COL27A1: variants seen among roughly 807,000 people sequenced by gnomAD.
COL27A1 encodes the protein collagen alpha-1(XXVII) chain.
COL27A1 carries 106 observed loss-of-function variants against 251.3 expected under a neutral mutation model. That is an observed-to-expected ratio of 0.42 (90% CI 0.36 to 0.50). COL27A1 has a LOEUF of 0.50. Among genes scored for constraint, COL27A1 ranks in the 20% least tolerant of loss-of-function variants. The pLI is 0.00. For missense variants in COL27A1, 2,325 were observed against 2,522.8 expected (o/e 0.92, Z 1.68); for synonymous variants, 1,000 against 986.3 (o/e 1.01, Z -0.26).
rs1830404651 is a variant in COL27A1, at chr9:114,212,060, C to G, written c.2367+1034C>G. Among the ~76,000 whole-genome samples, 3 of 152,222 alleles carry G rather than the reference C, an allele frequency of 2.0e-5. No homozygotes were observed. The South Asian group carries it at 6.2e-4, about 32-fold the overall frequency. Reference sequence around the variant, plus strand: ...CATGTTAGCTGTTGGAGCGTTTAACCTGGGCCCTCTGGGGGCCAAAGAGGA... The same window carrying G: ...CATGTTAGCTGTTGGAGCGTTTAACGTGGGCCCTCTGGGGGCCAAAGAGGA... On this transcript the variant is annotated intron_variant, in intron 12 of 60. Coordinates refer to ENST00000356083, the MANE Select transcript of COL27A1 (RefSeq NM_032888.4).
intron 34 of COL27A1, among the ~76,000 whole-genome samples, chr9:114,268,237 C>G (rs1834881031): frequency 6.6e-6 from 1 of 151,944 alleles, no homozygotes; most frequent in Admixed American, 6.6e-5. Context: ...CTGCCCTCCT[C>G]CTGTGCCCCT....
chr9:114,289,169 C>T, intron 44 of COL27A1, 73 bp from the exon 45 acceptor site: 2 of 1,441,828 alleles, frequency 1.4e-6, no homozygotes, highest in Non-Finnish European at 1.9e-6. Flanking sequence ...CCTCCCCCTC[C>T]AGGCGGAGAC....
At chr9:114,257,031 C>T (rs914745276) in intron 27 of COL27A1, among the ~76,000 whole-genome samples, 3 of 152,172 alleles carry the variant, frequency 2.0e-5, no homozygotes, top group Non-Finnish European at 4.4e-5. Context: ...GCTCTACTGA[C>T]GAAGGGTCAG....
chr9:114,189,208 A>G (rs574082584), intron 5 of COL27A1, among the ~76,000 whole-genome samples: 1 of 152,330 alleles, frequency 6.6e-6, no homozygotes, highest in Non-Finnish European at 1.5e-5. Flanking sequence ...TACTCTTAAA[A>G]AATTAAAACC....
At chr9:114,225,484 T>TGAGCCC (rs1172675511) in intron 14 of COL27A1, among the ~76,000 whole-genome samples, 1 of 152,232 alleles carries the variant, frequency 6.6e-6, no homozygotes, top group East Asian at 1.9e-4. Context: ...GGGCTGGGCC[T>TGAGCCC]GAGCCCATCA....
intron 12 of COL27A1, among the ~76,000 whole-genome samples, chr9:114,214,434 C>T (rs547003778): frequency 1.3e-5 from 2 of 152,308 alleles, no homozygotes; most frequent in African/African-American, 2.4e-5. Context: ...CCCGTGCATG[C>T]GGCCTCCTCA....
At chr9:114,229,168 T>C (rs1831745104) in intron 14 of COL27A1, among the ~76,000 whole-genome samples, 1 of 152,186 alleles carries the variant, frequency 6.6e-6, no homozygotes, top group African/African-American at 2.4e-5. Context: ...GCTGGGAGGT[T>C]TTGTTTAATC....
intron 27 of COL27A1, among the ~76,000 whole-genome samples, chr9:114,257,809 G>C (rs929812573): frequency 1.3e-5 from 2 of 152,194 alleles, no homozygotes; most frequent in Non-Finnish European, 2.9e-5. Context: ...TTGGGTGTCA[G>C]GGTGGAGGTG....
rs1436618638 is a variant in COL27A1, at chr9:114,311,163, CAAAAA to C, written c.*469_*473del. ...TGTATATATATATTATTTAAACAAACAAAAAGAAGGTGCGTTACTATTTTTTTTTC... is the reference window on the plus strand; with the variant it reads ...TGTATATATATATTATTTAAACAAACGAAGGTGCGTTACTATTTTTTTTTC... On this transcript the variant is annotated 3_prime_UTR_variant, in exon 61 of 61. Transcript: ENST00000356083. 6.6e-6 allele frequency: 1 copy of C among 152,204 alleles called. No homozygotes were observed. Among genetic ancestry groups the C allele is most frequent in the African/African-American group, 2.4e-5 (1 of 41,362 alleles). The allele number at this position is 152,204 out of a possible 1,614,324, so 9.4% of individuals were successfully genotyped here.
intron 23 of COL27A1, 83 bp downstream of exon 23, chr9:114,243,643 A>G: frequency 8.4e-7 from 1 of 1,185,414 alleles, no homozygotes; most frequent in Non-Finnish European, 1.2e-6. Context: ...CCCAAATCCC[A>G]TGGCCAGTTG....
In COL27A1 at chr9:114,310,925, G is replaced by A; in HGVS notation, c.*230G>A. ...GCCCCAAAGACCAACCAAAGAGCCA[G>A]CCAGAGTAAGCTGGACCTGCAACCT... On this transcript the variant is annotated 3_prime_UTR_variant, in exon 61 of 61. Coordinates refer to ENST00000356083, the MANE Select transcript of COL27A1 (RefSeq NM_032888.4). 1 of 452,186 alleles carries A rather than the reference G, an allele frequency of 2.2e-6. No homozygotes were observed. Among genetic ancestry groups the A allele is most frequent in the Non-Finnish European group, 3.9e-6 (1 of 253,396 alleles). The allele number at this position is 452,186 out of a possible 1,614,324, so 28.0% of individuals were successfully genotyped here.
chr9:114,255,716 G>T (rs1406506954), intron 27 of COL27A1, among the ~76,000 whole-genome samples: 1 of 152,140 alleles, frequency 6.6e-6, no homozygotes, highest in East Asian at 1.9e-4. Flanking sequence ...AGGTTGCCAT[G>T]GTCCCCCACT....
intron 13 of COL27A1, among the ~76,000 whole-genome samples, chr9:114,220,177 C>T (rs565925046): frequency 9.8e-5 from 15 of 152,316 alleles, no homozygotes; most frequent in African/African-American, 2.9e-4. Flanking sequence ...ACAGCATCAG[C>T]AATGTTTATG....
Position 114,283,777 on chromosome 9 carries a change from C to T in COL27A1, c.3933+15C>T, listed in dbSNP as rs1836081754. 1 of 1,613,516 alleles carries T rather than the reference C, an allele frequency of 6.2e-7. No individual in the cohort carries two copies. Among genetic ancestry groups the T allele is most frequent in the Non-Finnish European group, 8.5e-7 (1 of 1,179,542 alleles). Reference sequence around the variant, plus strand: ...CTGGTTATGATGTAAGCAGATATCACCTCACCCCACCCCCCGACTCTGTCC... The same window carrying T: ...CTGGTTATGATGTAAGCAGATATCATCTCACCCCACCCCCCGACTCTGTCC... On this transcript the variant is annotated intron_variant, in intron 40 of 60. Transcript: ENST00000356083.
intron 58 of COL27A1, chr9:114,306,906 C>A: frequency 1.8e-6 from 1 of 553,418 alleles, no homozygotes; most frequent in South Asian, 2.3e-5. Flanking sequence ...AGAGCTCTGG[C>A]AGAAAAAGCT....
In COL27A1 at chr9:114,288,492, CT is replaced by C; in HGVS notation, c.4026del (p.Pro1344HisfsTer223). The C allele has an allele frequency of 6.2e-7, 1 of 1,607,702 alleles. No individual in the cohort carries two copies. Among genetic ancestry groups the C allele is most frequent in the South Asian group, 1.1e-5 (1 of 89,236 alleles). ...QGEDGKAEGP[P>X]GPPGDRGPVG... ...GAGGACGGCAAGGCTGAGGGGCCCC[CT>C]GGGCCACCTGGAGATCGGGTAAGCC... is the stretch of plus-strand genomic sequence containing the variant. On this transcript the variant is annotated frameshift_variant, in exon 42 of 61. Coordinates refer to ENST00000356083, the MANE Select transcript of COL27A1 (RefSeq NM_032888.4). LOFTEE classifies it high-confidence loss of function.
chr9:114,161,611 G>A (rs1848498504), intron 1 of COL27A1, among the ~76,000 whole-genome samples: 3 of 152,160 alleles, frequency 2.0e-5, no homozygotes, highest in Admixed American at 6.5e-5. Flanking sequence ...TTTCCTCTTG[G>A]AAATACATCC....
At position 114,182,615 on chromosome 9, in the gene COL27A1, C is replaced by T. The variant is rs181320381; in HGVS notation, c.1963-407C>T. 5.3e-3 allele frequency among the ~76,000 whole-genome samples: 802 copies of T among 152,216 alleles called. 12 individuals are homozygous for T. The highest frequency in any genetic ancestry group is 0.019 in the African/African-American group (774 of 41,536). On this transcript the variant is annotated intron_variant, in intron 4 of 60. Transcript: ENST00000356083. ...GCCTGAAGAAGCTGGGAAGGGCTGA[C>T]GGGGCTAGGCTGAGAGATGTGGAGA...
In COL27A1 at chr9:114,301,552, C is replaced by T. The variant is rs796683404; in HGVS notation, c.4809+90C>T. 22 of 1,539,920 alleles carry T rather than the reference C, an allele frequency of 1.4e-5. No individual in the cohort carries two copies. The African/African-American group carries it at 2.9e-4, about 20-fold the overall frequency. On this transcript the variant is annotated intron_variant, in intron 54 of 60. Transcript: ENST00000356083. Reference sequence around the variant, plus strand: ...CGGTGGTACATTCTCTCCCTCCGGACCTCCGTCATCCCGTCTGTGCCAGAG... The same window carrying T: ...CGGTGGTACATTCTCTCCCTCCGGATCTCCGTCATCCCGTCTGTGCCAGAG...
Sources: allele counts gnomAD v4.1 joint callset (sites outside exome capture counted in the v4.1 genomes callset), GRCh38; gene constraint gnomAD v4.1.1; transcripts MANE v1.5; gene names NCBI Gene and HGNC (gene_info 2026-07-23, HGNC 2026-07-21).